ATP8A2: variants seen among roughly 807,000 people sequenced by gnomAD.
ATP8A2 encodes the protein ATPase phospholipid transporting 8A2.
A neutral mutation model predicts 165.6 loss-of-function variants in ATP8A2; 100 were observed. That is an observed-to-expected ratio of 0.60 (90% CI 0.51 to 0.71). The LOEUF (loss-of-function observed/expected upper bound fraction) is 0.71, where lower values mean the gene tolerates loss of function less well. Among genes scored for constraint, ATP8A2 ranks in the 30% least tolerant of loss-of-function variants. The pLI, the probability that ATP8A2 is intolerant of heterozygous loss-of-function variation, is 0.00. For synonymous variants in ATP8A2, 543 were observed against 548.8 expected (o/e 0.99, Z 0.15); for missense variants, 1,227 against 1,479.5 (o/e 0.83, Z 2.80).
chr13:26,005,652 A>C (rs1956723201), intron 35 of ATP8A2, among the ~76,000 whole-genome samples: 1 of 151,960 alleles, frequency 6.6e-6, no homozygotes, highest in African/African-American at 2.4e-5. Flanking sequence ...ATTTGTTTCA[A>C]ATATATTTAT....
chr13:25,937,139 T>A (rs1321452817), intron 33 of ATP8A2, among the ~76,000 whole-genome samples: 2 of 151,968 alleles, frequency 1.3e-5, no homozygotes, highest in African/African-American at 4.8e-5. Flanking sequence ...CTGACAATAG[T>A]TGATTAATAT....
At chr13:25,603,470 C>CAAA (rs60241678) in intron 24 of ATP8A2, among the ~76,000 whole-genome samples, 1 of 118,446 alleles carries the variant, frequency 8.4e-6, no homozygotes, top group Non-Finnish European at 1.8e-5. Flanking sequence ...GACTCTGTCT[C>CAAA]AAAAAAAAAA....
At chr13:26,004,183 A>C (rs1448877072) in intron 35 of ATP8A2, among the ~76,000 whole-genome samples, 3 of 152,080 alleles carry the variant, frequency 2.0e-5, no homozygotes, top group African/African-American at 7.2e-5. Flanking sequence ...TATTTTCTGC[A>C]ATTATTTCAT....
chr13:25,903,532 G>A (rs1006269260), intron 33 of ATP8A2, among the ~76,000 whole-genome samples: 2 of 152,124 alleles, frequency 1.3e-5, no homozygotes, highest in African/African-American at 4.8e-5. Flanking sequence ...GTGGCTTCTG[G>A]CCTCATTAAG....
At chr13:25,952,057 G>A (rs1257254741) in intron 33 of ATP8A2, among the ~76,000 whole-genome samples, 1 of 152,106 alleles carries the variant, frequency 6.6e-6, no homozygotes, top group Non-Finnish European at 1.5e-5. Context: ...TGGTTTTTAA[G>A]TTATAGTAGG....
At chr13:25,796,231 G>A (rs1005127853) in intron 27 of ATP8A2, among the ~76,000 whole-genome samples, 23 of 152,126 alleles carry the variant, frequency 1.5e-4, no homozygotes, top group African/African-American at 5.5e-4. Context: ...TTACAGGCAC[G>A]AGCCACCGCG....
At chr13:25,776,892 G>T (rs186370274) in intron 27 of ATP8A2, among the ~76,000 whole-genome samples, 57 of 151,974 alleles carry the variant, frequency 3.8e-4, no homozygotes, top group African/African-American at 9.7e-4. Flanking sequence ...GACATTCTGC[G>T]TGGAGCTCCC....
chr13:25,666,041 A>G (rs1010671316), intron 24 of ATP8A2, among the ~76,000 whole-genome samples: 2 of 151,728 alleles, frequency 1.3e-5, no homozygotes, highest in Non-Finnish European at 2.9e-5. Context: ...TTGCAGGCCA[A>G]ATTTATAAAA....
At chr13:25,698,883 A>G (rs2042891119) in intron 24 of ATP8A2, among the ~76,000 whole-genome samples, 1 of 152,162 alleles carries the variant, frequency 6.6e-6, no homozygotes, top group African/African-American at 2.4e-5. Context: ...ACATTTGTTT[A>G]TATGGAGTTT....
At chr13:25,497,552 T>C (rs559768284) in intron 2 of ATP8A2, among the ~76,000 whole-genome samples, 12 of 152,238 alleles carry the variant, frequency 7.9e-5, no homozygotes, top group Non-Finnish European at 1.6e-4. Flanking sequence ...TATTTTTCCA[T>C]TAATGGGAGA....
chr13:25,763,118 C>T (rs1256646816), intron 25 of ATP8A2, among the ~76,000 whole-genome samples: 1 of 152,164 alleles, frequency 6.6e-6, no homozygotes, highest in Non-Finnish European at 1.5e-5. Context: ...GCTGCAAAAA[C>T]AACCAAAGCT....
intron 24 of ATP8A2, among the ~76,000 whole-genome samples, chr13:25,620,228 G>T (rs1451760234): frequency 6.6e-6 from 1 of 152,206 alleles, no homozygotes; most frequent in Admixed American, 6.5e-5. Context: ...AGAAGGTGGG[G>T]AGTAGGGGAT....
chr13:25,740,244 G>A lies in ATP8A2; in HGVS notation c.2385-28802G>A, dbSNP rs558543775. Among the ~76,000 whole-genome samples, 231 of 150,074 alleles carry A rather than the reference G, an allele frequency of 1.5e-3. 1 individual carries two copies. The highest frequency in any genetic ancestry group is 5.4e-3 in the African/African-American group (220 of 40,634). On this transcript the variant is annotated intron_variant, in intron 25 of 36. Transcript: ENST00000381655. The stretch of plus-strand genomic sequence containing the variant: ...GAATGGTGTGAACCTGGGAGGTGGA[G>A]CTTGCAGTGAGCTGAGATCGCGCCA...
At chr13:25,741,558 T>TC (rs963155208) in intron 25 of ATP8A2, among the ~76,000 whole-genome samples, 4 of 152,054 alleles carry the variant, frequency 2.6e-5, no homozygotes, top group South Asian at 2.1e-4. Context: ...ATTTTTAATT[T>TC]TTTTTTTTTT....
At chr13:25,905,489 C>G (rs1284845466) in intron 33 of ATP8A2, among the ~76,000 whole-genome samples, 2 of 152,012 alleles carry the variant, frequency 1.3e-5, no homozygotes, top group Non-Finnish European at 2.9e-5. Flanking sequence ...TAAATAAAAA[C>G]AAGAGCAGTA....
chr13:25,633,808 T>G (rs1440415339), intron 24 of ATP8A2, among the ~76,000 whole-genome samples: 1 of 152,126 alleles, frequency 6.6e-6, no homozygotes, highest in Non-Finnish European at 1.5e-5. Flanking sequence ...AAACCTTGTC[T>G]CTGCAAACAT....
At chr13:25,772,735 AATTTATTTATTT>A (rs375525937) in intron 26 of ATP8A2, among the ~76,000 whole-genome samples, 1 of 150,936 alleles carries the variant, frequency 6.6e-6, no homozygotes, top group East Asian at 1.9e-4. Context: ...TTAATTAATT[AATTTATTTATTT>A]ATTTATTTAT....
At chr13:25,561,369 A>AT (rs796093967) in intron 15 of ATP8A2, among the ~76,000 whole-genome samples, 47 of 151,186 alleles carry the variant, frequency 3.1e-4, no homozygotes, top group Non-Finnish European at 4.6e-4. Flanking sequence ...TTTTCCATAG[A>AT]TTTTTTTTGT....
chr13:25,879,487 C>T (rs1952913516), intron 33 of ATP8A2, among the ~76,000 whole-genome samples: 1 of 152,190 alleles, frequency 6.6e-6, no homozygotes, highest in East Asian at 1.9e-4. Context: ...GCCGAAGAAC[C>T]AGGCTGAGAA....
Sources: allele counts gnomAD v4.1 joint callset (sites outside exome capture counted in the v4.1 genomes callset), GRCh38; gene constraint gnomAD v4.1.1; transcripts MANE v1.5; gene names NCBI Gene and HGNC (gene_info 2026-07-23, HGNC 2026-07-21).